Variants in DDX46 observed in about 807,000 individuals in gnomAD.
DDX46 encodes the protein DEAD-box helicase 46, also known as probable ATP-dependent RNA helicase DDX46.
In DDX46, 30 loss-of-function variants were observed where a neutral mutation model predicts 134.9. The observed-to-expected ratio is 0.22, with a 90% CI of 0.17 to 0.30. The LOEUF is 0.30. Ranked by LOEUF, DDX46 falls within the 10% of genes least tolerant of loss-of-function variation. The probability of loss-of-function intolerance (pLI) is 1.00; values close to 1 mark genes in which losing one functional copy is unlikely to be tolerated. For missense variants in DDX46, 622 were observed against 1,248.7 expected, an observed-to-expected ratio of 0.50 and a Z score of 7.56; for synonymous variants, 415 against 404.1, an observed-to-expected ratio of 1.03 and a Z score of -0.32.
chr5:134,805,791 C>T (rs975178954), intron 15 of DDX46, among the ~76,000 whole-genome samples: 3 of 152,066 alleles, frequency 2.0e-5, no homozygotes, highest in South Asian at 2.1e-4. Flanking sequence ...CCTCGGCCTC[C>T]GAAAGTGCTG....
Position 134,770,887 on chromosome 5 carries a change from T to C in DDX46, c.351-16T>C, listed in dbSNP as rs1753743553. On this transcript the variant is annotated splice_polypyrimidine_tract_variant and intron_variant, in intron 3 of 22. Coordinates refer to ENST00000452510, the MANE Select transcript of DDX46 (RefSeq NM_001300860.2). ...AATGAATGACATTTCTCTTGTCTCT[T>C]TTATTTTTTTGGTAGATCTAGGTCC... 1.3e-6 allele frequency: 2 copies of C among 1,567,484 alleles called. No homozygotes were observed. Among genetic ancestry groups the C allele is most frequent in the Non-Finnish European group, 1.7e-6 (2 of 1,164,374 alleles).
Position 134,817,581 on chromosome 5 carries a change from A to T in DDX46, c.2699A>T (p.Gln900Leu). The part of the protein sequence containing the change: ...PTVSAKTIAE[Q>L]LAEKINAKLN... ...GTTTCTGCAAAAACCATTGCAGAAC[A>T]ACTTGCTGAAAAGATCAATGCCAAG... is the stretch of plus-strand genomic sequence containing the variant. Residue 900 changes from glutamine (Q) to leucine (L), a missense_variant, in exon 20 of 23, where the codon CAA (glutamine) becomes CTA (leucine). Physicochemically the swap from Gln to Leu is moderately radical, Grantham distance 113 (BLOSUM62 -2). Around this residue, in one of 8 missense-constraint regions of DDX46, gnomAD observed 76 missense variants for 213.0 expected, o/e 0.36. Transcript: ENST00000452510. 6.2e-7 allele frequency: 1 copy of T among 1,614,194 alleles called. No individual in the cohort carries two copies. Among genetic ancestry groups the T allele is most frequent in the Non-Finnish European group, 8.5e-7 (1 of 1,180,046 alleles).
At chr5:134,826,820 C>A in intron 21 of DDX46, 127 bp from the exon 22 acceptor site, 1 of 752,554 alleles carries the variant, frequency 1.3e-6, no homozygotes, top group Non-Finnish European at 2.1e-6. Flanking sequence ...CATTAAATGG[C>A]TATCTTGGCA....
chr5:134,820,648 A>C (rs574601614), intron 21 of DDX46, among the ~76,000 whole-genome samples: 1 of 152,278 alleles, frequency 6.6e-6, no homozygotes, highest in East Asian at 1.9e-4. Flanking sequence ...GTCTTTTGCT[A>C]TTTAGGACTT....
In DDX46 at chr5:134,828,712, C is replaced by A; in HGVS notation, c.*6C>A. On this transcript the variant is annotated 3_prime_UTR_variant, in exon 23 of 23. Transcript: ENST00000452510. ...GAAGATACAAAGTCTTATAGACATCCGGAAAAAAGATTTTTACCTGTGCTG... is the reference window on the plus strand; with the variant it reads ...GAAGATACAAAGTCTTATAGACATCAGGAAAAAAGATTTTTACCTGTGCTG... 1 of 1,495,436 alleles carries A rather than the reference C, an allele frequency of 6.7e-7. No homozygotes were observed. Among genetic ancestry groups the A allele is most frequent in the Non-Finnish European group, 8.9e-7 (1 of 1,125,600 alleles). 92.6% of individuals were successfully genotyped at this position (1,495,436 alleles called of 1,614,324 possible). A position where few individuals can be genotyped will look rare whatever the true frequency, so the allele number is the denominator to read the frequency against.
rs367646357 is a variant in DDX46 at position 134,785,482 on chromosome 5, A to G, written c.1360A>G (p.Thr454Ala). 2 of 1,612,750 alleles carry G rather than the reference A, an allele frequency of 1.2e-6. No homozygotes were observed. The highest frequency in any genetic ancestry group is 2.7e-5 in the African/African-American group (2 of 74,844). ...CTTTCCAGCTGTCATCATGACTCCA[A>G]CTCGAGAACTGGCTTTACAGATTAC... ...EGPIAVIMTP[T>A]RELALQITKE... Residue 454 changes from threonine to alanine, a missense_variant, in exon 11 of 23, where the codon ACT (threonine) becomes GCT (alanine). Physicochemically the swap from Thr to Ala is moderately conservative, Grantham distance 58. Coordinates refer to ENST00000452510, the MANE Select transcript of DDX46 (RefSeq NM_001300860.2).
At chr5:134,801,393 A>G (rs1402325820) in intron 15 of DDX46, among the ~76,000 whole-genome samples, 1 of 151,714 alleles carries the variant, frequency 6.6e-6, no homozygotes, top group African/African-American at 2.4e-5. Context: ...TGCATAGTTT[A>G]TTTATTTATT....
chr5:134,786,499 T>C (rs1754339302), intron 11 of DDX46, among the ~76,000 whole-genome samples: 1 of 152,174 alleles, frequency 6.6e-6, no homozygotes. Context: ...TCCTGGAACC[T>C]AGGTCTCTGA....
At chr5:134,775,717 C>T (rs181320398) in intron 5 of DDX46, among the ~76,000 whole-genome samples, 274 of 152,312 alleles carry the variant, frequency 1.8e-3, no homozygotes, top group African/African-American at 5.8e-3. Flanking sequence ...TAGTCTCAAA[C>T]GCCTGACCTC....
At chr5:134,816,350 C>A in intron 18 of DDX46, 80 bp from the exon 19 acceptor site, 1 of 1,320,580 alleles carries the variant, frequency 7.6e-7, no homozygotes, top group Non-Finnish European at 1.0e-6. Flanking sequence ...GGAAACATTC[C>A]TTATTTATTT....
At chr5:134,785,627 C>A in intron 11 of DDX46, 41 bp downstream of exon 11, 1 of 1,563,882 alleles carries the variant, frequency 6.4e-7, no homozygotes, top group South Asian at 1.2e-5. Context: ...ATTCTTTTCT[C>A]AAGTTGGATG....
chr5:134,765,607 A>G (rs948033117), intron 2 of DDX46, among the ~76,000 whole-genome samples: 1 of 152,076 alleles, frequency 6.6e-6, no homozygotes, highest in African/African-American at 2.4e-5. Flanking sequence ...GCCAATTAAA[A>G]AAAGCTTTTC....
chr5:134,823,238 A>G (rs1388570235), intron 21 of DDX46, among the ~76,000 whole-genome samples: 1 of 144,118 alleles, frequency 6.9e-6, no homozygotes, highest in Non-Finnish European at 1.5e-5. Context: ...TTGGCTCACT[A>G]AAACCTCTGC....
intron 14 of DDX46, 36 bp downstream of exon 14, chr5:134,795,050 G>T (rs1754608636): frequency 4.4e-6 from 7 of 1,608,880 alleles, no homozygotes; most frequent in Non-Finnish European, 5.9e-6. Context: ...CAGTTTCCTT[G>T]ATACTTAGGT....
intron 21 of DDX46, among the ~76,000 whole-genome samples, chr5:134,823,051 G>A (rs1755498119): frequency 6.6e-6 from 1 of 151,860 alleles, no homozygotes. Context: ...AAGTAATCTA[G>A]GGTTCTTTCA....
chr5:134,762,960 G>A (rs1753439344), intron 1 of DDX46, among the ~76,000 whole-genome samples: 1 of 152,090 alleles, frequency 6.6e-6, no homozygotes, highest in Non-Finnish European at 1.5e-5. Context: ...TCGGGAGGCT[G>A]AGGCAGGAGA....
chr5:134,758,833 T>G lies in DDX46; in HGVS notation c.-106T>G, dbSNP rs1753282603. On this transcript the variant is annotated 5_prime_UTR_variant, in exon 1 of 23. Transcript: ENST00000452510. Reference sequence around the variant, plus strand: ...GCCACAGCTGTAGGTGCTGCTAGTGTTTAGCGCTGGTCTTTGCCGGGCGTT... The same window carrying G: ...GCCACAGCTGTAGGTGCTGCTAGTGGTTAGCGCTGGTCTTTGCCGGGCGTT... 1 of 1,565,178 alleles carries G rather than the reference T, an allele frequency of 6.4e-7. No individual in the cohort carries two copies. The highest frequency in any genetic ancestry group is 8.8e-7 in the Non-Finnish European group (1 of 1,138,328).
At chr5:134,809,199 G>A (rs1467094862) in intron 16 of DDX46, among the ~76,000 whole-genome samples, 1 of 152,084 alleles carries the variant, frequency 6.6e-6, no homozygotes, top group East Asian at 1.9e-4. Flanking sequence ...GAAAATTGTA[G>A]CCTATTTGGG....
chr5:134,804,472 C>A, intron 15 of DDX46, among the ~76,000 whole-genome samples: 1 of 152,078 alleles, frequency 6.6e-6, no homozygotes, highest in East Asian at 1.9e-4. Flanking sequence ...GGGTTTTACT[C>A]TGTCGCCCAA....
Sources: allele counts gnomAD v4.1 joint callset (sites outside exome capture counted in the v4.1 genomes callset), GRCh38; gene constraint gnomAD v4.1.1; regional missense constraint gnomAD v4.1.1; transcripts MANE v1.5; gene names NCBI Gene and HGNC (gene_info 2026-07-23, HGNC 2026-07-21).